The following RNF144A variants were observed in gnomAD, a reference collection of about 807,000 sequenced individuals.
RNF144A encodes E3 ubiquitin-protein ligase RNF144A.
In RNF144A, 11 loss-of-function variants were observed where a neutral mutation model predicts 38.7. The observed-to-expected ratio is 0.28, with a 90% confidence interval of 0.18 to 0.47. The LOEUF (loss-of-function observed/expected upper bound fraction) is 0.47. RNF144A is among the 20% of genes least tolerant of loss of function. The pLI is 0.99. For missense variants in RNF144A, 316 were observed against 377.2 expected (o/e 0.84, Z 1.34); for synonymous variants, 149 against 143.9 (o/e 1.04, Z -0.25).
intron 2 of RNF144A, among the ~76,000 whole-genome samples, chr2:6,949,496 G>C (rs935434214): frequency 1.3e-5 from 2 of 151,636 alleles, no homozygotes; most frequent in African/African-American, 2.4e-5. Context: ...TCTTACATAG[G>C]ACAGGAATTA....
At chr2:6,937,936 C>A (rs569804668) in intron 1 of RNF144A, among the ~76,000 whole-genome samples, 13 of 152,330 alleles carry the variant, frequency 8.5e-5, no homozygotes, top group African/African-American at 2.9e-4. Flanking sequence ...TGGGCCTGTC[C>A]ACCAGGCTGT....
Position 7,040,188 on chromosome 2 carries a change from G to A in RNF144A, c.*428G>A. On this transcript the variant is annotated 3_prime_UTR_variant, in exon 9 of 9. Coordinates refer to ENST00000320892, the MANE Select transcript of RNF144A (RefSeq NM_014746.6). ...ATCTGATTATTCCAGCTTGAGAGAA[G>A]CACTCTGTTTATGACAACTGTTTTT... 1 of 989,702 alleles carries A rather than the reference G, an allele frequency of 1.0e-6. No homozygotes were observed. Among genetic ancestry groups the A allele is most frequent in the Non-Finnish European group, 1.2e-6 (1 of 832,932 alleles). 61.3% of individuals were successfully genotyped at this position (989,702 alleles called of 1,614,324 possible). A position where few individuals can be genotyped will look rare whatever the true frequency, so the allele number is the denominator to read the frequency against.
In RNF144A at chr2:7,039,915, A is replaced by C. The variant is rs1416241996; in HGVS notation, c.*155A>C. The stretch of plus-strand genomic sequence containing the variant: ...CTGGACGCCGTGATTTCAGGGACCT[A>C]TGTCACAATGTTCGCTGAGGCCCCA... On this transcript the variant is annotated 3_prime_UTR_variant, in exon 9 of 9. Transcript: ENST00000320892. 7.0e-7 allele frequency: 1 copy of C among 1,432,980 alleles called. No individual in the cohort carries two copies. The highest frequency in any genetic ancestry group is 9.1e-7 in the Non-Finnish European group (1 of 1,094,612). 88.8% of individuals were successfully genotyped at this position (1,432,980 alleles called of 1,614,324 possible).
chr2:6,997,383 A>C (rs1162470323), intron 3 of RNF144A, among the ~76,000 whole-genome samples: 1 of 152,224 alleles, frequency 6.6e-6, no homozygotes, highest in African/African-American at 2.4e-5. Context: ...CCTTATATCA[A>C]ATGTATTTTA....
At position 7,043,893 on chromosome 2, in the gene RNF144A, T is replaced by C. The variant is rs1382658137; in HGVS notation, c.*4133T>C. On this transcript the variant is annotated 3_prime_UTR_variant, in exon 9 of 9. Transcript: ENST00000320892. ...TATGCATGAATGAGTCATGCACATG[T>C]ATACGTTATGTATTTGACAAGTGGT... The C allele has an allele frequency of 1.0e-6, 1 of 985,776 alleles. No homozygotes were observed. Among genetic ancestry groups the C allele is most frequent in the African/African-American group, 1.7e-5 (1 of 57,242 alleles). 61.1% of individuals were successfully genotyped at this position (985,776 alleles called of 1,614,324 possible). A position where few individuals can be genotyped will look rare whatever the true frequency, so the allele number is the denominator to read the frequency against.
intron 3 of RNF144A, among the ~76,000 whole-genome samples, chr2:6,999,951 A>G (rs1236679819): frequency 6.6e-6 from 1 of 152,222 alleles, no homozygotes; most frequent in Non-Finnish European, 1.5e-5. Context: ...GGTGCCCAAG[A>G]GCAGGAGGAA....
chr2:6,947,909 A>G (rs1666442236), intron 2 of RNF144A, among the ~76,000 whole-genome samples: 1 of 152,234 alleles, frequency 6.6e-6, no homozygotes, highest in Non-Finnish European at 1.5e-5. Flanking sequence ...GATCAGATGT[A>G]TTGAAGGATG....
chr2:7,018,026 TGGGGATGCTTAATA>T (rs1297922138), intron 5 of RNF144A, among the ~76,000 whole-genome samples: 2 of 152,172 alleles, frequency 1.3e-5, no homozygotes, highest in Non-Finnish European at 2.9e-5. Flanking sequence ...CCTTTTGTGA[TGGGGATGCTTAATA>T]GCATCCCCCA....
chr2:6,945,236 T>A (rs1666253905), intron 2 of RNF144A, among the ~76,000 whole-genome samples: 3 of 152,238 alleles, frequency 2.0e-5, no homozygotes, highest in Admixed American at 6.5e-5. Flanking sequence ...CTTGCTCTAG[T>A]TCCTCCTGGT....
chr2:7,017,299 A>G (rs1572410092), intron 5 of RNF144A, among the ~76,000 whole-genome samples: 1 of 107,292 alleles, frequency 9.3e-6, no homozygotes, highest in South Asian at 4.3e-4. Context: ...TCAACCGTGT[A>G]TTGTTTTTTT....
intron 1 of RNF144A, among the ~76,000 whole-genome samples, chr2:6,925,877 CACAA>C (rs946529548): frequency 5.3e-5 from 8 of 152,198 alleles, no homozygotes; most frequent in Non-Finnish European, 8.8e-5. Context: ...TGCGCACACA[CACAA>C]ACACACACAT....
chr2:6,919,865 G>A (rs1029639781), intron 1 of RNF144A, among the ~76,000 whole-genome samples: 3 of 152,254 alleles, frequency 2.0e-5, no homozygotes, highest in African/African-American at 7.2e-5. Flanking sequence ...GCACGATGCA[G>A]GCACCCCCAG....
chr2:6,990,437 G>C (rs12612446), intron 2 of RNF144A, among the ~76,000 whole-genome samples: 181 of 49,934 alleles, frequency 3.6e-3, no homozygotes, highest in East Asian at 5.3e-3. Flanking sequence ...CACACACACA[G>C]AGCTATATAT....
Position 6,948,644 on chromosome 2 carries a change from G to A in RNF144A, c.-12+7497G>A, listed in dbSNP as rs140410932. On this transcript the variant is annotated intron_variant, in intron 2 of 8. Coordinates refer to ENST00000320892, the MANE Select transcript of RNF144A (RefSeq NM_014746.6). ...AAAATTTAGGAGAGACTCTTAAGAG[G>A]TGACTCTTAGCACCAGGAAAGCAGG... is the stretch of plus-strand genomic sequence containing the variant. Among the ~76,000 whole-genome samples the A allele has an allele frequency of 9.0e-4, 137 of 152,310 alleles. 1 individual carries two copies. The highest frequency in any genetic ancestry group is 3.2e-3 in the African/African-American group (132 of 41,562).
intron 8 of RNF144A, among the ~76,000 whole-genome samples, chr2:7,030,890 G>C (rs1672253445): frequency 2.0e-5 from 3 of 151,812 alleles, no homozygotes. Flanking sequence ...GGTGATGGGA[G>C]ACTGTGATAG....
Position 7,044,154 on chromosome 2 carries a change from G to A in RNF144A, c.*4394G>A. ...GGGATTCCTTTTTAAAGCTATTTTG[G>A]CTGGAATACAGGTGACTTTTGTAAA... On this transcript the variant is annotated 3_prime_UTR_variant, in exon 9 of 9. Transcript: ENST00000320892. The A allele has an allele frequency of 2.0e-6, 2 of 985,648 alleles. No individual in the cohort carries two copies. Among genetic ancestry groups the A allele is most frequent in the Non-Finnish European group, 2.4e-6 (2 of 829,924 alleles). The allele number at this position is 985,648 out of a possible 1,614,324, so 61.1% of individuals were successfully genotyped here.
At chr2:6,954,597 C>A (rs180869943) in intron 2 of RNF144A, among the ~76,000 whole-genome samples, 12 of 152,310 alleles carry the variant, frequency 7.9e-5, no homozygotes, top group African/African-American at 2.6e-4. Context: ...ACATGGGTGG[C>A]CCCTTGGCTC....
chr2:7,027,840 T>C (rs1321315759), intron 7 of RNF144A, among the ~76,000 whole-genome samples: 1 of 152,206 alleles, frequency 6.6e-6, no homozygotes, highest in Non-Finnish European at 1.5e-5. Context: ...CATTTCTATA[T>C]TGTGAAACCA....
At chr2:7,051,327 G>A (rs1382204971) in intron 6 of RNF144A, among the ~76,000 whole-genome samples, 1 of 152,170 alleles carries the variant, frequency 6.6e-6, no homozygotes, top group Non-Finnish European at 1.5e-5. Context: ...GGGATTGGAG[G>A]TGGAGCAGGT....
Sources: gnomAD v4.1 joint callset for allele counts (sites outside exome capture counted in the v4.1 genomes callset) on GRCh38, gnomAD v4.1.1 for gene constraint, MANE v1.5 for transcripts, NCBI Gene and HGNC (gene_info 2026-07-23, HGNC 2026-07-21) for gene names.